The following PTPRD variants were observed in gnomAD, a reference collection of about 807,000 sequenced individuals.
PTPRD encodes receptor-type tyrosine-protein phosphatase delta.
A neutral mutation model predicts 214.5 loss-of-function variants in PTPRD; 34 were observed. The observed-to-expected ratio is 0.16, with a 90% confidence interval of 0.12 to 0.21. The LOEUF is 0.21. PTPRD is among the 10% of genes least tolerant of loss of function. PTPRD has a pLI of 1.00. For synonymous variants in PTPRD, 1,128 were observed against 845.7 expected (o/e 1.33, Z -5.79); for missense variants, 2,545 against 2,398.7 (o/e 1.06, Z -1.27).
At chr9:9,815,062 G>C (rs779284124) in intron 5 of PTPRD, among the ~76,000 whole-genome samples, 4 of 151,900 alleles carry the variant, frequency 2.6e-5, no homozygotes, top group Non-Finnish European at 5.9e-5. Context: ...GTAATTTTGA[G>C]TAAAAACAAC....
At chr9:8,816,753 A>G (rs961709539) in intron 11 of PTPRD, among the ~76,000 whole-genome samples, 1 of 152,232 alleles carries the variant, frequency 6.6e-6, no homozygotes, top group African/African-American at 2.4e-5. Context: ...ACTCAAGTTC[A>G]GTCTTTTTAC....
At chr9:9,762,561 A>C (rs1461481134) in intron 6 of PTPRD, among the ~76,000 whole-genome samples, 1 of 152,174 alleles carries the variant, frequency 6.6e-6, no homozygotes, top group Non-Finnish European at 1.5e-5. Flanking sequence ...CTCCTCAGCT[A>C]AACATCTAAT....
chr9:9,973,354 C>T (rs1176715696), intron 4 of PTPRD, among the ~76,000 whole-genome samples: 1 of 151,410 alleles, frequency 6.6e-6, no homozygotes, highest in Non-Finnish European at 1.5e-5. Flanking sequence ...CGTCTGTCGT[C>T]CCAGCTACTT....
chr9:10,287,539 C>T (rs989079478), intron 3 of PTPRD, among the ~76,000 whole-genome samples: 2 of 152,042 alleles, frequency 1.3e-5, no homozygotes, highest in Non-Finnish European at 2.9e-5. Context: ...CTGCATGTAT[C>T]CTAAAACCAG....
At chr9:8,669,553 G>C (rs75951022) in intron 12 of PTPRD, among the ~76,000 whole-genome samples, 2,965 of 152,230 alleles carry the variant, frequency 0.019, 38 homozygotes, top group Middle Eastern at 0.065. Context: ...ACCAAGGTTA[G>C]TGGAAGGAAA....
At chr9:9,420,477 A>G (rs1218093374) in intron 8 of PTPRD, among the ~76,000 whole-genome samples, 3 of 151,898 alleles carry the variant, frequency 2.0e-5, no homozygotes, top group Non-Finnish European at 4.4e-5. Flanking sequence ...TACTACTGCC[A>G]TTATATTTTA....
chr9:10,134,921 G>C (rs1329665097), intron 3 of PTPRD, among the ~76,000 whole-genome samples: 8 of 152,034 alleles, frequency 5.3e-5, no homozygotes, highest in African/African-American at 1.9e-4. Flanking sequence ...TCAGAATCTG[G>C]GAGGCAAGGA....
chr9:9,978,747 A>G (rs972845032), intron 4 of PTPRD, among the ~76,000 whole-genome samples: 1 of 110,478 alleles, frequency 9.1e-6, no homozygotes, highest in Non-Finnish European at 1.9e-5. Context: ...GAAGCTCGAA[A>G]AACCAATAAG....
intron 3 of PTPRD, among the ~76,000 whole-genome samples, chr9:10,315,822 G>C (rs2096406887): frequency 6.6e-6 from 1 of 151,868 alleles, no homozygotes; most frequent in Non-Finnish European, 1.5e-5. Context: ...GATCCCCAGA[G>C]AGTGGCTCAT....
chr9:8,781,148 C>T (rs1301589285), intron 11 of PTPRD, among the ~76,000 whole-genome samples: 1 of 152,128 alleles, frequency 6.6e-6, no homozygotes, highest in African/African-American at 2.4e-5. Flanking sequence ...CAGCAAAAGG[C>T]TTTGCCTTGG....
At chr9:8,432,066 C>G (rs1030950067) in intron 35 of PTPRD, among the ~76,000 whole-genome samples, 2 of 152,178 alleles carry the variant, frequency 1.3e-5, no homozygotes, top group African/African-American at 2.4e-5. Flanking sequence ...TTTAAATAGG[C>G]AACCAAATGA....
At position 9,587,856 on chromosome 9, in the gene PTPRD, G is replaced by A. The variant is rs2092258321; in HGVS notation, c.-286-13075C>T. ...ATAGTAGGGACTGGGATGGGTTGGTGGTTGGAATTGGAGGATAAAGAGAGG... is the reference window on the plus strand; with the variant it reads ...ATAGTAGGGACTGGGATGGGTTGGTAGTTGGAATTGGAGGATAAAGAGAGG... On this transcript the variant is annotated intron_variant, in intron 7 of 45. Coordinates refer to ENST00000381196, the MANE Select transcript of PTPRD (RefSeq NM_002839.4). Among the ~76,000 whole-genome samples the A allele has an allele frequency of 2.0e-5, 3 of 151,946 alleles. No individual in the cohort carries two copies. The South Asian group carries it at 6.2e-4, about 31-fold the overall frequency.
chr9:9,653,386 A>AAAAG (rs2096422807), intron 7 of PTPRD, among the ~76,000 whole-genome samples: 3 of 133,794 alleles, frequency 2.2e-5, no homozygotes, highest in Admixed American at 7.5e-5. Context: ...AAAAAAAAAA[A>AAAAG]GTGCCTCATT....
chr9:8,870,697 C>CACACACACAT (rs1456043997), intron 11 of PTPRD, among the ~76,000 whole-genome samples: 8 of 148,098 alleles, frequency 5.4e-5, no homozygotes, highest in Non-Finnish European at 1.0e-4. Flanking sequence ...AACACACACA[C>CACACACACAT]ACACACACAC....
chr9:9,494,209 C>G (rs775467096), intron 8 of PTPRD, among the ~76,000 whole-genome samples: 1 of 152,138 alleles, frequency 6.6e-6, no homozygotes, highest in East Asian at 1.9e-4. Context: ...GAAATCTATT[C>G]TTGGAACAAG....
intron 8 of PTPRD, among the ~76,000 whole-genome samples, chr9:9,482,179 G>A (rs1347518421): frequency 6.6e-6 from 1 of 151,818 alleles, no homozygotes; most frequent in Non-Finnish European, 1.5e-5. Context: ...TGGGGTGCTG[G>A]AAATTTTAAT....
intron 9 of PTPRD, among the ~76,000 whole-genome samples, chr9:9,329,260 A>T (rs914422442): frequency 6.6e-6 from 1 of 151,840 alleles, no homozygotes; most frequent in Admixed American, 6.6e-5. Flanking sequence ...AAACAAAACA[A>T]AAAACAAAAA....
intron 11 of PTPRD, among the ~76,000 whole-genome samples, chr9:8,842,410 G>T (rs547848634): frequency 1.3e-5 from 2 of 152,272 alleles, no homozygotes; most frequent in South Asian, 4.1e-4. Flanking sequence ...ATGAATAAAA[G>T]TTAGGGTATA....
At chr9:9,151,279 C>T (rs949947074) in intron 10 of PTPRD, among the ~76,000 whole-genome samples, 11 of 152,138 alleles carry the variant, frequency 7.2e-5, no homozygotes, top group African/African-American at 2.7e-4. Context: ...TCCCTCATGC[C>T]AGACTTAGCA....
Sources: allele counts gnomAD v4.1 joint callset (sites outside exome capture counted in the v4.1 genomes callset), GRCh38; gene constraint gnomAD v4.1.1; transcripts MANE v1.5; gene names NCBI Gene and HGNC (gene_info 2026-07-23, HGNC 2026-07-21).